AFF3: variants seen among roughly 807,000 people sequenced by gnomAD.
AFF3 encodes the protein AF4/FMR2 family member 3.
Under a neutral mutation model 129.7 loss-of-function variants are expected in AFF3, and 32 were observed. The observed-to-expected ratio is 0.25, with a 90% CI of 0.19 to 0.33. AFF3 has a LOEUF of 0.33. Among genes scored for constraint, AFF3 ranks in the 10% least tolerant of loss-of-function variants. The probability of loss-of-function intolerance (pLI) is 1.00; values close to 1 mark genes in which losing one functional copy is unlikely to be tolerated. For missense variants in AFF3, 1,373 were observed against 1,592.0 expected (o/e 0.86, Z 2.34); for synonymous variants, 644 against 635.4 (o/e 1.01, Z -0.20).
At chr2:99,703,836 C>T (rs953715898) in intron 11 of AFF3, among the ~76,000 whole-genome samples, 3 of 152,244 alleles carry the variant, frequency 2.0e-5, no homozygotes, top group Admixed American at 6.5e-5. Flanking sequence ...ACTGGGATTA[C>T]AGGCATGAGT....
At chr2:99,713,794 G>A (rs988788881) in intron 11 of AFF3, among the ~76,000 whole-genome samples, 4 of 151,632 alleles carry the variant, frequency 2.6e-5, no homozygotes, top group East Asian at 3.9e-4. Context: ...TACCTCCCAG[G>A]TTCAAGCAAT....
At chr2:99,728,615 C>T (rs538845056) in intron 10 of AFF3, among the ~76,000 whole-genome samples, 3 of 152,090 alleles carry the variant, frequency 2.0e-5, no homozygotes, top group African/African-American at 4.8e-5. Context: ...TTCTACAGTT[C>T]GTACATCTAT....
At chr2:100,099,302 G>T (rs1466320934) in intron 4 of AFF3, among the ~76,000 whole-genome samples, 3 of 152,232 alleles carry the variant, frequency 2.0e-5, no homozygotes, top group South Asian at 4.1e-4. Context: ...GCATTTTCTG[G>T]CACTATGAAG....
At chr2:99,720,675 T>C (rs1678809869) in intron 11 of AFF3, among the ~76,000 whole-genome samples, 1 of 152,264 alleles carries the variant, frequency 6.6e-6, no homozygotes, top group Non-Finnish European at 1.5e-5. Context: ...TATTTTTCAA[T>C]TTGTTTTCTA....
intron 11 of AFF3, chr2:99,707,310 GA>G (rs748294184): frequency 2.5e-5 from 25 of 982,198 alleles, no homozygotes; most frequent in East Asian, 1.1e-4. Flanking sequence ...AGAGATTAAA[GA>G]AAAAAAAATC....
rs188169491 is a variant in AFF3, at chr2:99,871,948, C to T, written c.874-34424G>A. ...GTGGGCCAGGTGCGGTGGCTCATGC[C>T]TGTAATCCCAGCACTTTGGGAGGCT... On this transcript the variant is annotated intron_variant, in intron 7 of 24. Coordinates refer to ENST00000672756, the MANE Select transcript of AFF3 (RefSeq NM_001386135.1). Among the ~76,000 whole-genome samples, 46 of 152,162 alleles carry T rather than the reference C, an allele frequency of 3.0e-4. No homozygotes were observed. The East Asian group carries it at 8.3e-3, about 28-fold the overall frequency.
intron 7 of AFF3, among the ~76,000 whole-genome samples, chr2:99,976,728 A>T (rs1574207): frequency 0.095 from 14,441 of 152,092 alleles, 947 homozygotes; most frequent in Non-Finnish European, 0.13. Context: ...TAAAACCTTT[A>T]ATTTCATTTC....
At chr2:99,741,552 G>A (rs1680722789) in intron 10 of AFF3, among the ~76,000 whole-genome samples, 1 of 152,160 alleles carries the variant, frequency 6.6e-6, no homozygotes, top group African/African-American at 2.4e-5. Flanking sequence ...ACAAGCCACT[G>A]CTCAATGAAA....
At chr2:99,624,484 A>ATG (rs567623150) in intron 13 of AFF3, among the ~76,000 whole-genome samples, 4 of 152,294 alleles carry the variant, frequency 2.6e-5, no homozygotes, top group Non-Finnish European at 5.9e-5. Flanking sequence ...AATTAATAGG[A>ATG]TGTGATAACC....
intron 4 of AFF3, among the ~76,000 whole-genome samples, chr2:100,091,946 T>C (rs1573398512): frequency 1.4e-5 from 2 of 146,910 alleles, no homozygotes; most frequent in East Asian, 4.0e-4. Flanking sequence ...TTCAACCCTC[T>C]TCACCGGCTG....
intron 7 of AFF3, among the ~76,000 whole-genome samples, chr2:99,896,806 T>C (rs911615911): frequency 6.6e-6 from 1 of 151,636 alleles, no homozygotes; most frequent in Non-Finnish European, 1.5e-5. Context: ...CAGCTAAATT[T>C]TTGTATTTTT....
At chr2:99,968,090 C>T (rs879832915) in intron 7 of AFF3, among the ~76,000 whole-genome samples, 1 of 152,194 alleles carries the variant, frequency 6.6e-6, no homozygotes, top group Non-Finnish European at 1.5e-5. Flanking sequence ...CCATCTTTGC[C>T]CTGTCCCGAG....
At chr2:99,731,010 G>C (rs1224411681) in intron 10 of AFF3, among the ~76,000 whole-genome samples, 4 of 152,110 alleles carry the variant, frequency 2.6e-5, no homozygotes, top group Non-Finnish European at 5.9e-5. Flanking sequence ...CTGGAGTGCA[G>C]TGGTGCAATC....
Position 100,008,290 on chromosome 2 carries a change from G to A in AFF3, c.174+522C>T, listed in dbSNP as rs140368707. Reference sequence around the variant, plus strand: ...CTGGAATGACCCAGAGCTCCATGCCGCCTAAGGTATTTGTGAAATCTGGGA... The same window carrying A: ...CTGGAATGACCCAGAGCTCCATGCCACCTAAGGTATTTGTGAAATCTGGGA... On this transcript the variant is annotated intron_variant, in intron 5 of 24. Coordinates refer to ENST00000672756, the MANE Select transcript of AFF3 (RefSeq NM_001386135.1). 3.3e-5 allele frequency among the ~76,000 whole-genome samples: 5 copies of A among 152,274 alleles called. No individual in the cohort carries two copies. In the East Asian group the frequency reaches 9.6e-4, roughly 29 times the overall value.
At chr2:99,897,310 C>A (rs756672612) in intron 7 of AFF3, among the ~76,000 whole-genome samples, 2 of 152,132 alleles carry the variant, frequency 1.3e-5, no homozygotes, top group African/African-American at 2.4e-5. Context: ...TTTTCAGTCA[C>A]ATGCAATTAA....
chr2:99,732,960 C>G (rs1485552081), intron 10 of AFF3, among the ~76,000 whole-genome samples: 23 of 152,220 alleles, frequency 1.5e-4, no homozygotes, highest in Non-Finnish European at 1.5e-5. Context: ...TTTGTACTTG[C>G]TCTTCTGTGT....
chr2:99,739,357 TG>T (rs1164586500), intron 10 of AFF3, among the ~76,000 whole-genome samples: 1 of 152,178 alleles, frequency 6.6e-6, no homozygotes, highest in Non-Finnish European at 1.5e-5. Flanking sequence ...ACTAAATTTC[TG>T]GTTTGCTGAT....
At chr2:100,126,694 G>A (rs187637431) in intron 2 of AFF3, among the ~76,000 whole-genome samples, 20 of 152,216 alleles carry the variant, frequency 1.3e-4, no homozygotes, top group African/African-American at 4.8e-4. Context: ...TCCCCCTTGA[G>A]AAACTCAAAA....
intron 12 of AFF3, 129 bp downstream of exon 12, chr2:99,672,409 A>C: frequency 1.3e-6 from 1 of 784,032 alleles, no homozygotes. Context: ...ATAGAAGCTC[A>C]CACTTAGCAG....
Sources: gnomAD v4.1 joint callset for allele counts (sites outside exome capture counted in the v4.1 genomes callset) on GRCh38, gnomAD v4.1.1 for gene constraint, MANE v1.5 for transcripts, NCBI Gene and HGNC (gene_info 2026-07-23, HGNC 2026-07-21) for gene names.